Variants in TMEM108 observed in about 807,000 individuals in gnomAD.
TMEM108 encodes transmembrane protein 108.
In TMEM108, 12 loss-of-function variants were observed where a neutral mutation model predicts 35.1. The observed-to-expected ratio is 0.34, with a 90% confidence interval of 0.22 to 0.55. The LOEUF (loss-of-function observed/expected upper bound fraction) is 0.55, where lower values mean the gene tolerates loss of function less well. Among genes scored for constraint, TMEM108 ranks in the 20% least tolerant of loss-of-function variants. The probability of loss-of-function intolerance (pLI) is 0.89; values close to 1 mark genes in which losing one functional copy is unlikely to be tolerated. For missense variants in TMEM108, 680 were observed against 753.3 expected (o/e 0.90, Z 1.14); for synonymous variants, 287 against 308.6 (o/e 0.93, Z 0.73).
intron 3 of TMEM108, among the ~76,000 whole-genome samples, chr3:133,235,200 GC>G (rs1946216423): frequency 6.6e-6 from 1 of 152,090 alleles, no homozygotes; most frequent in Non-Finnish European, 1.5e-5. Context: ...TAGATTCAAT[GC>G]CATCCCCATC....
At chr3:133,317,251 A>G (rs373653702) in intron 3 of TMEM108, among the ~76,000 whole-genome samples, 162 of 152,270 alleles carry the variant, frequency 1.1e-3, no homozygotes, top group African/African-American at 3.7e-3. Context: ...CTGTTACTGT[A>G]TTACTATGAT....
rs1945401670 is a variant in TMEM108, at chr3:133,185,249, G to A, written c.-46-44017G>A. ...CAGAAGTGTCTCTGCTCTGAAAATAGACTAAATAGGAGAAGATGTTTTAAG... is the reference window on the plus strand; with the variant it reads ...CAGAAGTGTCTCTGCTCTGAAAATAAACTAAATAGGAGAAGATGTTTTAAG... On this transcript the variant is annotated intron_variant, in intron 2 of 5. Coordinates refer to ENST00000321871, the MANE Select transcript of TMEM108 (RefSeq NM_023943.4). Among the ~76,000 whole-genome samples the A allele has an allele frequency of 2.0e-5, 3 of 152,088 alleles. No individual in the cohort carries two copies. The South Asian group carries it at 6.2e-4, about 32-fold the overall frequency.
chr3:133,105,725 T>C (rs557618817), intron 2 of TMEM108, among the ~76,000 whole-genome samples: 3 of 152,338 alleles, frequency 2.0e-5, no homozygotes, highest in Admixed American at 6.5e-5. Context: ...AGGGATAAAC[T>C]GGCTTGGCAT....
At chr3:133,168,544 C>A (rs531599488) in intron 2 of TMEM108, among the ~76,000 whole-genome samples, 17 of 151,752 alleles carry the variant, frequency 1.1e-4, no homozygotes, top group Admixed American at 3.9e-4. Context: ...TGTAAACACA[C>A]CAGTTAGCAC....
chr3:133,238,045 T>A (rs1433046278), intron 3 of TMEM108, among the ~76,000 whole-genome samples: 1 of 152,124 alleles, frequency 6.6e-6, no homozygotes, highest in Admixed American at 6.6e-5. Context: ...GTTAGAGTCA[T>A]TAATAGTCTG....
intron 2 of TMEM108, among the ~76,000 whole-genome samples, chr3:133,070,088 A>G (rs190022031): frequency 6.6e-6 from 1 of 152,120 alleles, no homozygotes; most frequent in African/African-American, 2.4e-5. Context: ...AACAGTACAG[A>G]GCACTTGTTT....
chr3:133,363,898 TAA>T (rs2072429978), intron 3 of TMEM108, among the ~76,000 whole-genome samples: 1 of 152,246 alleles, frequency 6.6e-6, no homozygotes, highest in African/African-American at 2.4e-5. Context: ...TGTTTCATAC[TAA>T]GTCTTTGAAA....
At chr3:133,089,319 T>C (rs1216690141) in intron 2 of TMEM108, among the ~76,000 whole-genome samples, 1 of 152,226 alleles carries the variant, frequency 6.6e-6, no homozygotes, top group East Asian at 1.9e-4. Flanking sequence ...AGTTCTCTGG[T>C]CAAATTACCA....
chr3:133,298,931 G>A (rs951719098), intron 3 of TMEM108, among the ~76,000 whole-genome samples: 1 of 152,144 alleles, frequency 6.6e-6, no homozygotes, highest in African/African-American at 2.4e-5. Context: ...ATTTGTTTAG[G>A]ATAGGTTTTC....
chr3:133,227,889 G>T (rs60961447), intron 2 of TMEM108, among the ~76,000 whole-genome samples: 1 of 151,548 alleles, frequency 6.6e-6, no homozygotes, highest in African/African-American at 2.4e-5. Context: ...GTGAGACTTC[G>T]TCTCAAAAAA....
At chr3:133,041,375 G>A (rs2331) in intron 1 of TMEM108, among the ~76,000 whole-genome samples, 93,424 of 151,822 alleles carry the variant, frequency 0.62, 29,588 homozygotes, top group African/African-American at 0.77. Context: ...TCACCCCCCA[G>A]GGCTCCCAGA....
intron 3 of TMEM108, among the ~76,000 whole-genome samples, chr3:133,266,741 A>G (rs559703449): frequency 6.6e-6 from 1 of 152,270 alleles, no homozygotes; most frequent in Admixed American, 6.5e-5. Flanking sequence ...GACCCATGTG[A>G]CATGGCTGGT....
At chr3:133,306,557 C>T (rs997933451) in intron 3 of TMEM108, among the ~76,000 whole-genome samples, 18 of 152,066 alleles carry the variant, frequency 1.2e-4, no homozygotes, top group African/African-American at 1.2e-4. Flanking sequence ...TGATGTTCAC[C>T]GCCCTGTGTC....
At chr3:133,107,460 GT>G (rs1944167184) in intron 2 of TMEM108, among the ~76,000 whole-genome samples, 1 of 96,842 alleles carries the variant, frequency 1.0e-5, no homozygotes, top group East Asian at 3.4e-4. Context: ...TATGTGGTGT[GT>G]GTGTGTGTGT....
Position 133,379,767 on chromosome 3 carries a change from T to C in TMEM108, c.56T>C (p.Leu19Ser), listed in dbSNP as rs1337477635. The change falls in exon 4 of 6, where the codon TTG (leucine) becomes TCG (serine). Residue 19 changes from leucine (L) to serine (S), a missense_variant. Transcript: ENST00000321871. Reference sequence around the variant, plus strand: ...CCTTTTCAAGGTTTCCTGCTGATCTTGGCACTGACCGAAGCGCTGGCATTT... The same window carrying C: ...CCTTTTCAAGGTTTCCTGCTGATCTCGGCACTGACCGAAGCGCTGGCATTT... ...YCQLLSFLLILALTEALAFAI... is the reference protein window; with the variant it reads ...YCQLLSFLLISALTEALAFAI... 1.9e-6 allele frequency: 3 copies of C among 1,613,616 alleles called. No homozygotes were observed. In the East Asian group the frequency reaches 6.7e-5, roughly 36 times the overall value.
At chr3:133,150,924 T>A in intron 2 of TMEM108, among the ~76,000 whole-genome samples, 1 of 152,112 alleles carries the variant, frequency 6.6e-6, no homozygotes, top group Admixed American at 6.6e-5. Flanking sequence ...ATACAACATT[T>A]CCTGGTCAGT....
intron 2 of TMEM108, among the ~76,000 whole-genome samples, chr3:133,178,808 T>G (rs551797420): frequency 6.6e-5 from 10 of 152,210 alleles, no homozygotes; most frequent in African/African-American, 1.9e-4. Context: ...AATTGACAGA[T>G]GGGATCTAAT....
chr3:133,256,569 G>A (rs1033016595), intron 3 of TMEM108, among the ~76,000 whole-genome samples: 2 of 152,146 alleles, frequency 1.3e-5, no homozygotes, highest in Admixed American at 6.6e-5. Context: ...TAAATTCCTT[G>A]TATTGTTAGG....
intron 3 of TMEM108, among the ~76,000 whole-genome samples, chr3:133,334,635 T>G (rs2071457617): frequency 6.6e-6 from 1 of 151,900 alleles, no homozygotes; most frequent in South Asian, 2.1e-4. Context: ...GAAGATATAG[T>G]GAAGGGATCT....
Sources: allele counts gnomAD v4.1 joint callset (sites outside exome capture counted in the v4.1 genomes callset), GRCh38; gene constraint gnomAD v4.1.1; transcripts MANE v1.5; gene names NCBI Gene and HGNC (gene_info 2026-07-23, HGNC 2026-07-21).